Variants in ULBP3 observed in about 807,000 individuals in gnomAD.
ULBP3 encodes UL16-binding protein 3.
Under a neutral mutation model 24.9 loss-of-function variants are expected in ULBP3, and 25 were observed. The ratio of observed to expected loss-of-function variants is 1.00; its 90% CI spans 0.73 to 1.40. The LOEUF is 1.40. Among genes scored for constraint, ULBP3 ranks in the 40% most tolerant of loss-of-function variants. The probability of loss-of-function intolerance (pLI) is 0.00; values close to 1 mark genes in which losing one functional copy is unlikely to be tolerated. For missense variants in ULBP3, 306 were observed against 307.5 expected (o/e 1.00, Z 0.04); for synonymous variants, 114 against 114.7 (o/e 0.99, Z 0.04).
chr6:150,066,278 C>A (rs1031982734), intron 1 of ULBP3, 116 bp from the exon 2 acceptor site: 2 of 1,220,316 alleles, frequency 1.6e-6, no homozygotes, highest in Non-Finnish European at 2.2e-6. Flanking sequence ...GATTTCTCTT[C>A]CTGGACGGTG....
chr6:150,065,991 G>C lies in ULBP3; in HGVS notation c.260C>G (p.Ala87Gly), dbSNP rs759322111. ...HLEEQLYATD[A>G]WGKQLEMLRE... The stretch of plus-strand genomic sequence containing the variant: ...CAGCATTTCCAGTTGTTTTCCCCAG[G>C]CATCTGTGGCATACAGCTGCTCTTC... The change falls in exon 2 of 5, where the codon GCC becomes GGC. Residue 87 changes from alanine (A) to glycine (G), a missense_variant. Coordinates refer to ENST00000367339, the MANE Select transcript of ULBP3 (RefSeq NM_024518.3). 1.9e-6 allele frequency: 3 copies of C among 1,614,126 alleles called. No homozygotes were observed. The highest frequency in any genetic ancestry group is 2.5e-6 in the Non-Finnish European group (3 of 1,180,030).
chr6:150,064,991 G>A (rs1328721062), intron 3 of ULBP3, among the ~76,000 whole-genome samples: 1 of 152,114 alleles, frequency 6.6e-6, no homozygotes, highest in Non-Finnish European at 1.5e-5. Flanking sequence ...CGGGACAGGA[G>A]AGTCTCGGGG....
intron 1 of ULBP3, 24 bp from the exon 2 acceptor site, chr6:150,066,186 CAG>C (rs766901659): frequency 2.5e-6 from 4 of 1,607,582 alleles, no homozygotes; most frequent in East Asian, 4.5e-5. Context: ...AAAAAAACAC[CAG>C]AGAGTGTTGG....
At chr6:150,063,511 A>G (rs1776301220) in intron 4 of ULBP3, among the ~76,000 whole-genome samples, 160 bp from the exon 5 acceptor site, 1 of 151,856 alleles carries the variant, frequency 6.6e-6, no homozygotes, top group African/African-American at 2.4e-5. Flanking sequence ...GCCTTTCCCA[A>G]CCTCCACCCT....
intron 3 of ULBP3, 97 bp downstream of exon 3, chr6:150,065,301 A>C (rs536294736): frequency 7.8e-5 from 118 of 1,522,266 alleles, no homozygotes; most frequent in Non-Finnish European, 9.7e-5. Context: ...ACCCACTCAC[A>C]CCCATACACC....
intron 4 of ULBP3, among the ~76,000 whole-genome samples, chr6:150,063,972 C>T (rs2152102): frequency 0.012 from 1,768 of 152,316 alleles, 76 homozygotes; most frequent in Admixed American, 0.069. Context: ...AGCCAGGAAT[C>T]CCATGGGTCC....
intron 4 of ULBP3, among the ~76,000 whole-genome samples, chr6:150,064,041 C>A (rs1446111794): frequency 1.3e-4 from 20 of 152,218 alleles, no homozygotes; most frequent in African/African-American, 3.1e-4. Flanking sequence ...TCACCTTCCA[C>A]CTTAACTGCT....
chr6:150,061,781 T>C lies in ULBP3; in HGVS notation c.*1593A>G, dbSNP rs1457032597. 6.6e-6 allele frequency among the ~76,000 whole-genome samples: 1 copy of C among 152,224 alleles called. No homozygotes were observed. Among genetic ancestry groups the C allele is most frequent in the Non-Finnish European group, 1.5e-5 (1 of 68,034 alleles). ...TGTGGATATATCCCGAGTAGTGGGA[T>C]TGCAGGCTTGAATGGTAGTTCTATT... On this transcript the variant is annotated 3_prime_UTR_variant, in exon 5 of 5. Coordinates refer to ENST00000367339, the MANE Select transcript of ULBP3 (RefSeq NM_024518.3).
chr6:150,065,299 A>C, intron 3 of ULBP3, 99 bp downstream of exon 3: 1 of 1,511,416 alleles, frequency 6.6e-7, no homozygotes, highest in Admixed American at 1.8e-5. Context: ...ACACCCACTC[A>C]CACCCATACA....
At chr6:150,064,295 G>A (rs150995323) in intron 4 of ULBP3, among the ~76,000 whole-genome samples, 1 of 152,306 alleles carries the variant, frequency 6.6e-6, no homozygotes, top group East Asian at 1.9e-4. Context: ...ATAGAAACCT[G>A]CTGTGAAATA....
rs535694123 is a variant in ULBP3, at chr6:150,068,494, A to G, written c.88+485T>C. On this transcript the variant is annotated intron_variant, in intron 1 of 4. Transcript: ENST00000367339. Reference sequence around the variant, plus strand: ...TGCTGTTGCTCTACAAAGGGACGGGACTTGACACAGAGACAGAGAACTCAC... The same window carrying G: ...TGCTGTTGCTCTACAAAGGGACGGGGCTTGACACAGAGACAGAGAACTCAC... Among the ~76,000 whole-genome samples, 11 of 152,254 alleles carry G rather than the reference A, an allele frequency of 7.2e-5. 1 individual carries two copies. The East Asian group carries it at 2.1e-3, about 29-fold the overall frequency.
At chr6:150,063,462 G>A in intron 4 of ULBP3, 111 bp from the exon 5 acceptor site, 1 of 548,196 alleles carries the variant, frequency 1.8e-6, no homozygotes, top group Non-Finnish European at 2.3e-6. Flanking sequence ...CCCAGATAAG[G>A]AACATGTTTT....
In ULBP3 at chr6:150,065,437, C is replaced by A. The variant is rs760685893; in HGVS notation, c.589G>T (p.Asp197Tyr). 2 of 1,614,166 alleles carry A rather than the reference C, an allele frequency of 1.2e-6. No individual in the cohort carries two copies. Among genetic ancestry groups the A allele is most frequent in the Non-Finnish European group, 8.5e-7 (1 of 1,180,002 alleles). Residue 197 changes from aspartate to tyrosine, a missense_variant, in exon 3 of 5, where the codon GAC (aspartate) becomes TAC (tyrosine). By Grantham distance (160) the Asp-to-Tyr change is radical (BLOSUM62 -3). Coordinates refer to ENST00000367339, the MANE Select transcript of ULBP3 (RefSeq NM_024518.3). ...CTCTTCTTCCTGTGCATCAGGAAGT[C>A]CCTAAGCCAGCTCTTGCAGTCTCTC... ...SMRDCKSWLR[D>Y]FLMHRKKRLE...
Position 150,069,054 on chromosome 6 carries a change from C to A in ULBP3, c.13G>T (p.Ala5Ser), listed in dbSNP as rs1401918177. 1.2e-6 allele frequency: 2 copies of A among 1,610,366 alleles called. No individual in the cohort carries two copies. The highest frequency in any genetic ancestry group is 1.1e-5 in the South Asian group (1 of 90,752). The change falls in exon 1 of 5, where the codon GCC becomes TCC. Residue 5 changes from alanine to serine, a missense_variant. Ala to Ser is a moderately conservative substitution (Grantham distance 99, BLOSUM62 1). Transcript: ENST00000367339. ...AGGCGCGGAAGGATCGCGGGGCTGG[C>A]GGCCGCTGCCATTGTAGACCAGGAG... Reference protein sequence around the residue: MAAAASPAILPRLAI... With the variant: MAAASSPAILPRLAI...
chr6:150,065,733 T>A, intron 2 of ULBP3, 60 bp from the exon 3 acceptor site: 1 of 1,597,598 alleles, frequency 6.3e-7, no homozygotes, highest in Non-Finnish European at 8.5e-7. Context: ...CTGTCCCACA[T>A]CCTCCTATGC....
rs35374376 is a variant in ULBP3 at position 150,065,586 on chromosome 6, C to T, written c.440G>A (p.Arg147Gln). The T allele has an allele frequency of 1.6e-3, 2,591 of 1,614,192 alleles. 32 individuals are homozygous for T. The African/African-American group carries it at 0.03, about 19-fold the overall frequency. ...RGSWQFSFDG[R>Q]KFLLFDSNNR... ...GTTTGAGTCAAAGAGGAGGAACTTC[C>T]GTCCATCGAAGCTGAACTGCCAAGA... The change falls in exon 3 of 5, where the codon CGG (arginine) becomes CAG (glutamine). Residue 147 changes from arginine (R) to glutamine (Q), a missense_variant. By Grantham distance (43) the Arg-to-Gln change is conservative. Transcript: ENST00000367339.
chr6:150,068,896 G>T (rs1208995195), intron 1 of ULBP3, 83 bp downstream of exon 1: 4 of 1,394,362 alleles, frequency 2.9e-6, no homozygotes, highest in Non-Finnish European at 3.9e-6. Flanking sequence ...CTTCTAGAAG[G>T]CTTCCCTCCT....
At chr6:150,063,984 A>G (rs1465013197) in intron 4 of ULBP3, among the ~76,000 whole-genome samples, 1 of 152,196 alleles carries the variant, frequency 6.6e-6, no homozygotes, top group Non-Finnish European at 1.5e-5. Context: ...CATGGGTCCA[A>G]GGGGCTCGGC....
chr6:150,066,268 G>T (rs1209962361), intron 1 of ULBP3, 106 bp from the exon 2 acceptor site: 1 of 1,301,816 alleles, frequency 7.7e-7, no homozygotes, highest in Non-Finnish European at 1.0e-6. Context: ...GCAGAGCATG[G>T]ATTTCTCTTC....
Sources: allele counts gnomAD v4.1 joint callset (sites outside exome capture counted in the v4.1 genomes callset), GRCh38; gene constraint gnomAD v4.1.1; transcripts MANE v1.5; gene names NCBI Gene and HGNC (gene_info 2026-07-23, HGNC 2026-07-21).